Variants in SND1 observed in about 807,000 individuals in gnomAD.
SND1 encodes staphylococcal nuclease and tudor domain containing 1.
Under a neutral mutation model 121.7 loss-of-function variants are expected in SND1, and 38 were observed. The ratio of observed to expected loss-of-function variants is 0.31; its 90% CI spans 0.24 to 0.41. The LOEUF (loss-of-function observed/expected upper bound fraction) is 0.41. Ranked by LOEUF, SND1 falls within the 10% of genes least tolerant of loss-of-function variation. SND1 has a pLI of 1.00. For synonymous variants in SND1, 401 were observed against 447.4 expected (o/e 0.90, Z 1.31); for missense variants, 868 against 1,184.6 (o/e 0.73, Z 3.92).
At chr7:127,689,149 T>C (rs1241921216) in intron 2 of SND1, among the ~76,000 whole-genome samples, 1 of 152,236 alleles carries the variant, frequency 6.6e-6, no homozygotes, top group East Asian at 1.9e-4. Flanking sequence ...TTAAACAAGA[T>C]AACATGAAGT....
chr7:127,933,251 G>A (rs73721260), intron 15 of SND1, among the ~76,000 whole-genome samples: 2,477 of 152,222 alleles, frequency 0.016, 91 homozygotes, highest in African/African-American at 0.057. Context: ...CTGATCACTC[G>A]ACTCTGCATC....
intron 14 of SND1, among the ~76,000 whole-genome samples, chr7:127,926,058 T>TA (rs1324464280): frequency 6.6e-6 from 1 of 152,160 alleles, no homozygotes; most frequent in Admixed American, 6.5e-5. Flanking sequence ...TTTATATTGT[T>TA]ATAATCAGAA....
At chr7:128,071,348 T>C (rs1793405366) in intron 16 of SND1, among the ~76,000 whole-genome samples, 1 of 152,208 alleles carries the variant, frequency 6.6e-6, no homozygotes, top group African/African-American at 2.4e-5. Context: ...GCATTTCCCC[T>C]AGGAGCAATG....
chr7:127,832,522 C>T (rs149063606), intron 11 of SND1, among the ~76,000 whole-genome samples: 191 of 152,246 alleles, frequency 1.3e-3, no homozygotes, highest in African/African-American at 4.3e-3. Flanking sequence ...TAGATCTGCA[C>T]GTGATAGATC....
chr7:127,790,743 C>T (rs59140894), intron 10 of SND1, among the ~76,000 whole-genome samples: 44,179 of 152,084 alleles, frequency 0.29, 7,837 homozygotes, highest in East Asian at 0.7. Flanking sequence ...TACGAGAATA[C>T]AGGATATTTT....
At chr7:127,876,966 A>G (rs924194156) in intron 12 of SND1, among the ~76,000 whole-genome samples, 36 of 152,252 alleles carry the variant, frequency 2.4e-4, no homozygotes, top group African/African-American at 7.9e-4. Flanking sequence ...TAGATATTTG[A>G]AGATGGACAT....
Position 127,904,798 on chromosome 7 carries a change from C to A in SND1, c.1506C>A (p.His502Gln). 1.2e-6 allele frequency: 2 copies of A among 1,610,122 alleles called. No individual in the cohort carries two copies. The highest frequency in any genetic ancestry group is 1.7e-6 in the Non-Finnish European group (2 of 1,176,460). The change falls in exon 14 of 24, where the codon CAC (histidine) becomes CAA (glutamine). Residue 502 changes from histidine (H) to glutamine (Q), a missense_variant. This residue lies in a region of SND1 where 743 missense variants were observed against 1,071.3 expected (regional missense o/e 0.69). Transcript: ENST00000354725. Reference sequence around the variant, plus strand: ...ATAGCAAGAAGGAAGTGCCTATCCACCGTGTTGCAGATATATCTGGGGTGA... The same window carrying A: ...ATAGCAAGAAGGAAGTGCCTATCCAACGTGTTGCAGATATATCTGGGGTGA... ...GLHSKKEVPI[H>Q]RVADISGDTQ...
At chr7:128,067,794 C>T (rs1324725646) in intron 16 of SND1, among the ~76,000 whole-genome samples, 1 of 152,092 alleles carries the variant, frequency 6.6e-6, no homozygotes. Flanking sequence ...AAGGGAAAGG[C>T]TTGTATGTGT....
chr7:127,811,749 C>T (rs1239155938), intron 11 of SND1, among the ~76,000 whole-genome samples: 1 of 152,086 alleles, frequency 6.6e-6, no homozygotes, highest in Non-Finnish European at 1.5e-5. Context: ...AGGTTGGCAA[C>T]CCAACTACTG....
At chr7:127,698,010 A>G (rs1796037260) in intron 3 of SND1, among the ~76,000 whole-genome samples, 1 of 152,208 alleles carries the variant, frequency 6.6e-6, no homozygotes, top group Non-Finnish European at 1.5e-5. Flanking sequence ...TTAAGAGAAA[A>G]CACTGAGCCT....
chr7:127,914,456 A>G (rs1339016960), intron 14 of SND1, among the ~76,000 whole-genome samples: 1 of 152,068 alleles, frequency 6.6e-6, no homozygotes, highest in Non-Finnish European at 1.5e-5. Flanking sequence ...CATTTACATA[A>G]TCATATTACC....
intron 1 of SND1, among the ~76,000 whole-genome samples, chr7:127,679,759 A>T (rs997253724): frequency 6.6e-6 from 1 of 152,244 alleles, no homozygotes; most frequent in Non-Finnish European, 1.5e-5. Context: ...AACATCAATC[A>T]GTACGCAATC....
At position 127,924,842 on chromosome 7, in the gene SND1, A is replaced by G. The variant is rs17151546; in HGVS notation, c.1528-4346A>G. On this transcript the variant is annotated intron_variant, in intron 14 of 23. Coordinates refer to ENST00000354725, the MANE Select transcript of SND1 (RefSeq NM_014390.4). ...ATCTAACTGCTGAAGGGGATATCTT[A>G]TAGCCATAGATAGATGTACCCACAT... is the stretch of plus-strand genomic sequence containing the variant. Among the ~76,000 whole-genome samples the G allele has an allele frequency of 4.5e-3, 681 of 152,348 alleles. 7 individuals carry two copies. The highest frequency in any genetic ancestry group is 0.015 in the African/African-American group (644 of 41,588).
At chr7:127,698,764 G>T in intron 3 of SND1, 111 bp from the exon 4 acceptor site, 1 of 807,922 alleles carries the variant, frequency 1.2e-6, no homozygotes. Flanking sequence ...CATTTCTCTG[G>T]CAGCATTATT....
Position 128,084,804 on chromosome 7 carries a change from C to G in SND1, c.2191C>G (p.Arg731Gly), listed in dbSNP as rs755289729. The change falls in exon 19 of 24, where the codon CGC (arginine) becomes GGC (glycine). Residue 731 changes from arginine to glycine, a missense_variant. Arg to Gly is a moderately radical substitution (Grantham distance 125). Transcript: ENST00000354725. ...HPPVEGSYAP[R>G]RGEFCIAKFV... The stretch of plus-strand genomic sequence containing the variant: ...CCCTGTAGAGGGCTCCTATGCCCCC[C>G]GCAGGGGAGAGTTCTGCATTGCCAA... 6.2e-6 allele frequency: 10 copies of G among 1,607,452 alleles called. No homozygotes were observed. The highest frequency in any genetic ancestry group is 8.5e-6 in the Non-Finnish European group (10 of 1,175,348).
intron 15 of SND1, among the ~76,000 whole-genome samples, chr7:127,931,976 G>A (rs577669240): frequency 1.3e-5 from 2 of 152,298 alleles, no homozygotes; most frequent in South Asian, 2.1e-4. Context: ...CTCTGAAAGA[G>A]TTGTACAAGA....
chr7:127,834,211 T>C (rs891307759), intron 11 of SND1, among the ~76,000 whole-genome samples: 14 of 152,246 alleles, frequency 9.2e-5, no homozygotes, highest in African/African-American at 2.7e-4. Context: ...GATGTATACC[T>C]AGAAGTGGAA....
At chr7:127,702,374 G>A (rs1796119939) in intron 5 of SND1, 61 bp from the exon 6 acceptor site, 5 of 1,456,458 alleles carry the variant, frequency 3.4e-6, no homozygotes, top group African/African-American at 2.8e-5. Flanking sequence ...GTTTGATTGG[G>A]CAGTGTTTAT....
At chr7:127,858,113 C>A in intron 12 of SND1, 1 of 889,084 alleles carries the variant, frequency 1.1e-6, no homozygotes, top group Non-Finnish European at 1.9e-6. Context: ...TCTGCCACTT[C>A]CTCAGCGAAC....
Sources: allele counts gnomAD v4.1 joint callset (sites outside exome capture counted in the v4.1 genomes callset), GRCh38; gene constraint gnomAD v4.1.1; regional missense constraint gnomAD v4.1.1; transcripts MANE v1.5; gene names NCBI Gene and HGNC (gene_info 2026-07-23, HGNC 2026-07-21).